Variants in SGMS1 observed in about 807,000 individuals in gnomAD.
The protein encoded by SGMS1 is sphingomyelin synthase 1, also known as phosphatidylcholine:ceramide cholinephosphotransferase 1.
SGMS1 carries 13 observed loss-of-function variants against 46.2 expected under a neutral mutation model. The observed-to-expected ratio is 0.28, with a 90% CI of 0.18 to 0.45. The LOEUF is 0.45. SGMS1 is among the 20% of genes least tolerant of loss of function. The probability of loss-of-function intolerance (pLI) is 1.00; values close to 1 mark genes in which losing one functional copy is unlikely to be tolerated. For missense variants in SGMS1, 324 were observed against 519.9 expected, an observed-to-expected ratio of 0.62 and a Z score of 3.66; for synonymous variants, 203 against 187.8, an observed-to-expected ratio of 1.08 and a Z score of -0.66.
chr10:50,518,985 C>T (rs1400206348), intron 3 of SGMS1, among the ~76,000 whole-genome samples: 1 of 152,020 alleles, frequency 6.6e-6, no homozygotes, highest in African/African-American at 2.4e-5. Context: ...GGAAGGGAGA[C>T]AACAGATAAA....
chr10:50,417,367 A>G (rs2133587011), intron 6 of SGMS1, among the ~76,000 whole-genome samples: 1 of 152,280 alleles, frequency 6.6e-6, no homozygotes, highest in African/African-American at 2.4e-5. Context: ...AACAGAATTT[A>G]GGTCTCCAGA....
At chr10:50,439,192 A>C (rs1849511777) in intron 5 of SGMS1, among the ~76,000 whole-genome samples, 1 of 152,222 alleles carries the variant, frequency 6.6e-6, no homozygotes, top group African/African-American at 2.4e-5. Flanking sequence ...GGGCGCCTTA[A>C]AAACCAAATG....
chr10:50,529,918 C>T (rs1395242183), intron 2 of SGMS1, among the ~76,000 whole-genome samples: 1 of 152,120 alleles, frequency 6.6e-6, no homozygotes, highest in Non-Finnish European at 1.5e-5. Flanking sequence ...ATAAAAAATC[C>T]CACACCATAA....
rs551506157 is a variant in SGMS1 at position 50,311,460 on chromosome 10, C to G, written c.742-45G>C. The stretch of plus-strand genomic sequence containing the variant: ...GAAGAAAAAGAAGATTCATTACGAG[C>G]CCACATGAAAATGTGCGAAGATTAC... On this transcript the variant is annotated intron_variant, in intron 8 of 10. Transcript: ENST00000361781. 11 of 1,585,762 alleles carry G rather than the reference C, an allele frequency of 6.9e-6. No individual in the cohort carries two copies. In the South Asian group the frequency reaches 1.1e-4, roughly 16 times the overall value.
chr10:50,595,269 A>G (rs1450778040), intron 1 of SGMS1, among the ~76,000 whole-genome samples: 1 of 151,522 alleles, frequency 6.6e-6, no homozygotes, highest in Non-Finnish European at 1.5e-5. Flanking sequence ...TCCACCTCCC[A>G]GGTTCAAGCA....
intron 5 of SGMS1, among the ~76,000 whole-genome samples, chr10:50,457,162 G>T (rs1318112947): frequency 6.6e-6 from 1 of 152,056 alleles, no homozygotes; most frequent in Non-Finnish European, 1.5e-5. Flanking sequence ...TGTTGCAAAA[G>T]AACATTTAAG....
rs184158055 is a variant in SGMS1 at position 50,411,009 on chromosome 10, T to C, written c.-232+22467A>G. On this transcript the variant is annotated intron_variant, in intron 6 of 10. Coordinates refer to ENST00000361781, the MANE Select transcript of SGMS1 (RefSeq NM_147156.4). Reference sequence around the variant, plus strand: ...TATAGGTTAGTTTAATAATTTCTTTTGGAGTCAGGTCTTTCTTTCCAAATT... The same window carrying C: ...TATAGGTTAGTTTAATAATTTCTTTCGGAGTCAGGTCTTTCTTTCCAAATT... Among the ~76,000 whole-genome samples the C allele has an allele frequency of 5.3e-4, 81 of 152,350 alleles. 1 individual carries two copies. The highest frequency in any genetic ancestry group is 7.2e-4 in the Admixed American group (11 of 15,310).
At chr10:50,540,446 A>C (rs1266597743) in intron 2 of SGMS1, among the ~76,000 whole-genome samples, 3 of 152,184 alleles carry the variant, frequency 2.0e-5, no homozygotes, top group African/African-American at 7.2e-5. Flanking sequence ...TCTTTCACTC[A>C]ACAAATATGA....
chr10:50,394,436 C>A (rs1014799873), intron 6 of SGMS1, among the ~76,000 whole-genome samples: 7 of 152,184 alleles, frequency 4.6e-5, no homozygotes, highest in Non-Finnish European at 1.0e-4. Flanking sequence ...TTTTATGACA[C>A]CTGACAAAGC....
chr10:50,501,814 G>A (rs1358931390), intron 3 of SGMS1, among the ~76,000 whole-genome samples: 3 of 151,936 alleles, frequency 2.0e-5, no homozygotes, highest in Non-Finnish European at 4.4e-5. Context: ...TAAAATTCAT[G>A]GTATCATTGA....
At chr10:50,461,177 T>G (rs1432624289) in intron 4 of SGMS1, among the ~76,000 whole-genome samples, 1 of 152,204 alleles carries the variant, frequency 6.6e-6, no homozygotes, top group East Asian at 1.9e-4. Context: ...TATCATAAAT[T>G]AAGTATAAGT....
intron 2 of SGMS1, among the ~76,000 whole-genome samples, chr10:50,538,752 C>T (rs1302347631): frequency 6.6e-6 from 1 of 152,170 alleles, no homozygotes; most frequent in Non-Finnish European, 1.5e-5. Context: ...GAAAACAATA[C>T]TGATCTGGAG....
At chr10:50,508,776 G>A (rs1415444697) in intron 3 of SGMS1, among the ~76,000 whole-genome samples, 1 of 152,130 alleles carries the variant, frequency 6.6e-6, no homozygotes, top group Non-Finnish European at 1.5e-5. Context: ...ATAAAACCTT[G>A]GGCTTTCTGT....
chr10:50,307,874 CT>C lies in SGMS1; in HGVS notation c.1062+107del. The stretch of plus-strand genomic sequence containing the variant: ...ACAATACAATCTTAGTTGATTACTA[CT>C]TAAGAAAGAGAAACTTCAGACATCC... On this transcript the variant is annotated intron_variant, in intron 10 of 10. Coordinates refer to ENST00000361781, the MANE Select transcript of SGMS1 (RefSeq NM_147156.4). The surrounding 1 kb of genome is among the most constrained non-coding windows in gnomAD (Gnocchi z 4.2). 1 of 1,058,290 alleles carries C rather than the reference CT, an allele frequency of 9.4e-7. No individual in the cohort carries two copies. The highest frequency in any genetic ancestry group is 1.4e-6 in the Non-Finnish European group (1 of 709,122). 65.6% of individuals were successfully genotyped at this position (1,058,290 alleles called of 1,614,324 possible). A position where few individuals can be genotyped will look rare whatever the true frequency, so the allele number is the denominator to read the frequency against.
intron 3 of SGMS1, among the ~76,000 whole-genome samples, chr10:50,495,988 TA>T (rs1172132377): frequency 1.3e-5 from 2 of 152,166 alleles, no homozygotes. Context: ...TTTTTTTAAT[TA>T]AAAAATGAAC....
At chr10:50,516,424 T>C (rs1414456490) in intron 3 of SGMS1, among the ~76,000 whole-genome samples, 1 of 152,228 alleles carries the variant, frequency 6.6e-6, no homozygotes, top group Non-Finnish European at 1.5e-5. Flanking sequence ...GACTCGTTTA[T>C]ATCTAAGACT....
intron 2 of SGMS1, among the ~76,000 whole-genome samples, chr10:50,574,985 A>ATATATATAT (rs58462802): frequency 7.7e-5 from 11 of 143,056 alleles, no homozygotes; most frequent in South Asian, 2.2e-4. Flanking sequence ...ATATATATAT[A>ATATATATAT]AAACAAAGTA....
intron 2 of SGMS1, among the ~76,000 whole-genome samples, chr10:50,557,269 C>T (rs1169033725): frequency 1.3e-5 from 2 of 151,950 alleles, no homozygotes; most frequent in Non-Finnish European, 2.9e-5. Flanking sequence ...GAATAAAGAG[C>T]AAGAAGAATG....
intron 5 of SGMS1, among the ~76,000 whole-genome samples, chr10:50,445,003 A>G (rs12569801): frequency 0.085 from 12,899 of 152,194 alleles, 1,322 homozygotes; most frequent in East Asian, 0.38. Context: ...AACCACCATA[A>G]TTTAATTTTT....
Sources: gnomAD v4.1 joint callset for allele counts (sites outside exome capture counted in the v4.1 genomes callset) on GRCh38, gnomAD v4.1.1 for gene constraint, Gnocchi (gnomAD v3.1) non-coding constraint, MANE v1.5 for transcripts, NCBI Gene and HGNC (gene_info 2026-07-23, HGNC 2026-07-21) for gene names.